Variants in WDR36 observed in about 807,000 individuals in gnomAD.
The protein encoded by WDR36 is WD repeat-containing protein 36.
In WDR36, 63 loss-of-function variants were observed where a neutral mutation model predicts 112.7. The observed-to-expected ratio is 0.56, with a 90% confidence interval of 0.46 to 0.69. The LOEUF (loss-of-function observed/expected upper bound fraction) is 0.69, where lower values mean the gene tolerates loss of function less well. Ranked by LOEUF, WDR36 falls within the 30% of genes least tolerant of loss-of-function variation. WDR36 has a pLI of 0.00. For synonymous variants in WDR36, 410 were observed against 362.2 expected, an observed-to-expected ratio of 1.13 and a Z score of -1.50; for missense variants, 1,226 against 1,070.3, an observed-to-expected ratio of 1.15 and a Z score of -2.03.
chr5:111,110,817 G>C lies in WDR36; in HGVS notation c.1471G>C (p.Val491Leu). 6.2e-7 allele frequency: 1 copy of C among 1,611,294 alleles called. No homozygotes were observed. Among genetic ancestry groups the C allele is most frequent in the Non-Finnish European group, 8.5e-7 (1 of 1,178,240 alleles). The change falls in exon 14 of 23, where the codon GTG becomes CTG. Residue 491 changes from valine to leucine, a missense_variant. Physicochemically the swap from Val to Leu is conservative, Grantham distance 32 (BLOSUM62 1). Transcript: ENST00000513710. ...CAAGGGATCTGTTAGAGGTGTCGCAGTGGATGGATTAAACCAGTTGACAGT... is the reference window on the plus strand; with the variant it reads ...CAAGGGATCTGTTAGAGGTGTCGCACTGGATGGATTAAACCAGTTGACAGT... ...AHKGSVRGVA[V>L]DGLNQLTVTT...
intron 21 of WDR36, 54 bp from the exon 22 acceptor site, chr5:111,125,554 T>G: frequency 6.5e-7 from 1 of 1,546,512 alleles, no homozygotes; most frequent in South Asian, 1.2e-5. Flanking sequence ...AAACTGTAAT[T>G]TTCTAAGTTA....
chr5:111,097,957 G>T (rs1165765727), intron 3 of WDR36, among the ~76,000 whole-genome samples: 1 of 152,168 alleles, frequency 6.6e-6, no homozygotes, highest in Non-Finnish European at 1.5e-5. Flanking sequence ...GTTCATTTTT[G>T]TATTGTTGTT....
intron 11 of WDR36, 107 bp downstream of exon 11, chr5:111,106,250 A>G (rs1407773150): frequency 9.7e-7 from 1 of 1,034,318 alleles, no homozygotes; most frequent in Non-Finnish European, 1.5e-6. Flanking sequence ...AATATTAATA[A>G]GCATTCAGAA....
rs1753147070 is a variant in WDR36, at chr5:111,102,791, G to A, written c.597+392G>A. 2.6e-5 allele frequency among the ~76,000 whole-genome samples: 4 copies of A among 151,508 alleles called. No individual in the cohort carries two copies. In the South Asian group the frequency reaches 8.3e-4, roughly 31 times the overall value. On this transcript the variant is annotated intron_variant, in intron 6 of 22. Coordinates refer to ENST00000513710, the MANE Select transcript of WDR36 (RefSeq NM_139281.3). ...AGATTTATGGTTTGAAGTAATTGGAGCCAAAATCCTAATGTTTGATTCGAT... is the reference window on the plus strand; with the variant it reads ...AGATTTATGGTTTGAAGTAATTGGAACCAAAATCCTAATGTTTGATTCGAT...
chr5:111,120,728 T>C, intron 18 of WDR36, 135 bp downstream of exon 18: 1 of 805,508 alleles, frequency 1.2e-6, no homozygotes, highest in Non-Finnish European at 2.1e-6. Context: ...TTTGAATGAC[T>C]TCATGAATTT....
At chr5:111,117,424 G>A (rs1166200038) in intron 16 of WDR36, among the ~76,000 whole-genome samples, 2 of 152,206 alleles carry the variant, frequency 1.3e-5, no homozygotes, top group Non-Finnish European at 2.9e-5. Context: ...GCTGCTCACA[G>A]TGTGTGTCCC....
intron 16 of WDR36, among the ~76,000 whole-genome samples, chr5:111,114,218 A>G (rs1377964750): frequency 6.6e-6 from 1 of 152,208 alleles, no homozygotes; most frequent in African/African-American, 2.4e-5. Flanking sequence ...CATTTAACAT[A>G]GGATTGCTTA....
intron 2 of WDR36, among the ~76,000 whole-genome samples, chr5:111,096,153 G>A (rs1234868715): frequency 6.6e-6 from 1 of 152,160 alleles, no homozygotes; most frequent in Non-Finnish European, 1.5e-5. Flanking sequence ...TGCCCCAAAA[G>A]AGGAAATGAA....
chr5:111,103,930 C>T lies in WDR36; in HGVS notation c.730+12C>T. The T allele has an allele frequency of 1.2e-6, 2 of 1,610,276 alleles. No homozygotes were observed. Among genetic ancestry groups the T allele is most frequent in the East Asian group, 2.2e-5 (1 of 44,762 alleles). On this transcript the variant is annotated intron_variant, in intron 7 of 22. Coordinates refer to ENST00000513710, the MANE Select transcript of WDR36 (RefSeq NM_139281.3). The stretch of plus-strand genomic sequence containing the variant: ...TTCATTTCGCACAGGTAACTTTTAA[C>T]ATACTTATTGATAGGAGTTAAGAAC...
intron 19 of WDR36, among the ~76,000 whole-genome samples, chr5:111,122,084 T>TAAA (rs1753578426): frequency 6.6e-6 from 1 of 152,240 alleles, no homozygotes; most frequent in African/African-American, 2.4e-5. Flanking sequence ...TGCTTCTTTT[T>TAAA]ACTTGCTAAC....
intron 22 of WDR36, among the ~76,000 whole-genome samples, 165 bp downstream of exon 22, chr5:111,125,960 C>G (rs1281259988): frequency 6.6e-6 from 1 of 152,084 alleles, no homozygotes; most frequent in East Asian, 1.9e-4. Context: ...ATAGTGTGAT[C>G]AAGAAACTGG....
intron 16 of WDR36, among the ~76,000 whole-genome samples, chr5:111,114,699 A>T (rs914886042): frequency 2.7e-5 from 4 of 145,816 alleles, no homozygotes; most frequent in African/African-American, 1.1e-4. Context: ...TTAAAAAAAC[A>T]TTTTGTTAAA....
chr5:111,100,086 T>G (rs1175233908), intron 4 of WDR36, among the ~76,000 whole-genome samples: 1 of 151,924 alleles, frequency 6.6e-6, no homozygotes, highest in Admixed American at 6.6e-5. Flanking sequence ...TATTAGAGAT[T>G]ATTTTGTGGA....
chr5:111,100,485 A>G (rs2112568357), intron 4 of WDR36, 104 bp from the exon 5 acceptor site: 1 of 758,382 alleles, frequency 1.3e-6, no homozygotes. Context: ...ATTTTAACAT[A>G]TAAATCTTTG....
chr5:111,097,036 A>G (rs760798616), intron 2 of WDR36, 43 bp from the exon 3 acceptor site: 5 of 1,451,604 alleles, frequency 3.4e-6, no homozygotes, highest in Admixed American at 1.7e-5. Flanking sequence ...TCTCTTTAAC[A>G]TCTTAAAAAT....
Position 111,128,500 on chromosome 5 carries a change from A to G in WDR36, c.*1617A>G, listed in dbSNP as rs1753721226. 5.6e-6 allele frequency: 1 copy of G among 179,798 alleles called. No individual in the cohort carries two copies. The highest frequency in any genetic ancestry group is 2.4e-5 in the African/African-American group (1 of 42,478). 11.1% of individuals were successfully genotyped at this position (179,798 alleles called of 1,614,324 possible). A position where few individuals can be genotyped will look rare whatever the true frequency, so the allele number is the denominator to read the frequency against. ...TATTTTCCTCTTTCCTAAATACTAT[A>G]TTCTAAATTGGAATATGGCAAAATC... is the stretch of plus-strand genomic sequence containing the variant. On this transcript the variant is annotated 3_prime_UTR_variant, in exon 23 of 23. Transcript: ENST00000513710.
chr5:111,122,699 C>G (rs1396277174), intron 19 of WDR36, among the ~76,000 whole-genome samples: 1 of 152,184 alleles, frequency 6.6e-6, no homozygotes, highest in Non-Finnish European at 1.5e-5. Flanking sequence ...TATACCATGG[C>G]TTCCCTTTGG....
rs1753727717 is a variant in WDR36 at position 111,128,755 on chromosome 5, G to GTTTC, written c.*1872_*1873insTTTC. ...TTCATGTACTGTTTCCATCAAGGGA[G>GTTTC]GGAAAGAAATAGAAAATATAATTTT... On this transcript the variant is annotated 3_prime_UTR_variant, in exon 23 of 23. Coordinates refer to ENST00000513710, the MANE Select transcript of WDR36 (RefSeq NM_139281.3). 2 of 181,984 alleles carry GTTTC rather than the reference G, an allele frequency of 1.1e-5. No homozygotes were observed. The highest frequency in any genetic ancestry group is 4.7e-5 in the African/African-American group (2 of 42,496). 11.3% of individuals were successfully genotyped at this position (181,984 alleles called of 1,614,324 possible). A position where few individuals can be genotyped will look rare whatever the true frequency, so the allele number is the denominator to read the frequency against.
Position 111,113,145 on chromosome 5 carries a change from T to C in WDR36, c.1788T>C (p.Pro596=), listed in dbSNP as rs765312258. 1.9e-6 allele frequency: 3 copies of C among 1,585,758 alleles called. No individual in the cohort carries two copies. Among genetic ancestry groups the C allele is most frequent in the Admixed American group, 1.7e-5 (1 of 59,290 alleles). Residue 596 remains proline (P), a synonymous_variant, in exon 16 of 23, where the codon CCT becomes CCC. Transcript: ENST00000513710. The stretch of plus-strand genomic sequence containing the variant: ...GCTCTATTAGGACTTGGGACCTTCC[T>C]TCTGGGTGGTAAGTTTATATTTCTA... ...MDCSIRTWDL[P]SGCLIDCFLL...
Sources: gnomAD v4.1 joint callset for allele counts (sites outside exome capture counted in the v4.1 genomes callset) on GRCh38, gnomAD v4.1.1 for gene constraint, MANE v1.5 for transcripts, NCBI Gene and HGNC (gene_info 2026-07-23, HGNC 2026-07-21) for gene names.